DOCK4: variants seen among roughly 807,000 people sequenced by gnomAD.
The protein encoded by DOCK4 is dedicator of cytokinesis protein 4.
In DOCK4, 97 loss-of-function variants were observed where a neutral mutation model predicts 268.1. The ratio of observed to expected loss-of-function variants is 0.36; its 90% CI spans 0.31 to 0.43. The LOEUF (loss-of-function observed/expected upper bound fraction) is 0.43, where lower values mean the gene tolerates loss of function less well. Among genes scored for constraint, DOCK4 ranks in the 20% least tolerant of loss-of-function variants. The probability of loss-of-function intolerance (pLI) is 1.00; values close to 1 mark genes in which losing one functional copy is unlikely to be tolerated. For synonymous variants in DOCK4, 954 were observed against 887.2 expected (o/e 1.08, Z -1.34); for missense variants, 2,145 against 2,455.7 (o/e 0.87, Z 2.67).
At chr7:111,828,098 T>G (rs1802539852) in intron 26 of DOCK4, among the ~76,000 whole-genome samples, 1 of 152,064 alleles carries the variant, frequency 6.6e-6, no homozygotes, top group Non-Finnish European at 1.5e-5. Context: ...CAGTATGAGG[T>G]GGGTGTATAA....
At chr7:111,936,453 G>A (rs927582820) in intron 11 of DOCK4, among the ~76,000 whole-genome samples, 1 of 152,166 alleles carries the variant, frequency 6.6e-6, no homozygotes, top group African/African-American at 2.4e-5. Flanking sequence ...TACTTTGAAT[G>A]CTGTGGATGC....
chr7:111,919,030 T>C (rs1275554576), intron 12 of DOCK4, among the ~76,000 whole-genome samples: 7 of 151,108 alleles, frequency 4.6e-5, no homozygotes, highest in African/African-American at 1.7e-4. Flanking sequence ...ACAATAGAAG[T>C]TGGAGAGAGA....
chr7:111,903,432 T>G (rs913365487), intron 13 of DOCK4, among the ~76,000 whole-genome samples: 4 of 152,212 alleles, frequency 2.6e-5, no homozygotes, highest in Admixed American at 6.5e-5. Flanking sequence ...GCAATGAACT[T>G]AAAGTCCAGG....
chr7:111,972,084 A>G (rs1797757647), intron 8 of DOCK4: 1 of 153,114 alleles, frequency 6.5e-6, no homozygotes, highest in Non-Finnish European at 1.5e-5. Flanking sequence ...CAACTTCTAT[A>G]GCATAGACAA....
intron 1 of DOCK4, among the ~76,000 whole-genome samples, chr7:112,112,226 A>ATGAGAACTGT (rs1304748933): frequency 6.6e-6 from 1 of 152,128 alleles, no homozygotes; most frequent in Non-Finnish European, 1.5e-5. Flanking sequence ...ATGAGTTCAT[A>ATGAGAACTGT]TGAGAACTGG....
chr7:111,934,523 G>GTTTTTGTTT (rs1562907282), intron 12 of DOCK4, among the ~76,000 whole-genome samples: 1 of 83,872 alleles, frequency 1.2e-5, no homozygotes, highest in African/African-American at 4.0e-5. Flanking sequence ...TTTTGTTTTT[G>GTTTTTGTTT]TTTTTTTTTT....
chr7:112,076,878 A>G (rs763653488), intron 1 of DOCK4, among the ~76,000 whole-genome samples: 1 of 152,184 alleles, frequency 6.6e-6, no homozygotes, highest in Non-Finnish European at 1.5e-5. Context: ...TTGACTGAAT[A>G]TACTATTTCT....
At chr7:112,038,512 G>T (rs1028096625) in intron 1 of DOCK4, among the ~76,000 whole-genome samples, 1 of 152,102 alleles carries the variant, frequency 6.6e-6, no homozygotes, top group African/African-American at 2.4e-5. Context: ...ATTGGATCAG[G>T]GCTGAAGATC....
chr7:111,841,253 C>T lies in DOCK4; in HGVS notation c.2736+3510G>A, dbSNP rs185907220. The stretch of plus-strand genomic sequence containing the variant: ...GATCTCGGCTCACTGCAACCTCCAT[C>T]TCCTGGGTTCAAGCCATTTTTGGGC... On this transcript the variant is annotated intron_variant, in intron 25 of 52. Coordinates refer to ENST00000428084, the MANE Select transcript of DOCK4 (RefSeq NM_001363540.2). 1.6e-4 allele frequency among the ~76,000 whole-genome samples: 25 copies of T among 151,974 alleles called. No individual in the cohort carries two copies. The East Asian group carries it at 4.7e-3, about 28-fold the overall frequency.
chr7:112,188,448 C>T (rs78064599), intron 1 of DOCK4, among the ~76,000 whole-genome samples: 4,087 of 152,294 alleles, frequency 0.027, 178 homozygotes, highest in African/African-American at 0.093. Context: ...AAATTAGAAT[C>T]CTGGCCTCTT....
chr7:111,917,736 T>C (rs1195191529), intron 12 of DOCK4, among the ~76,000 whole-genome samples: 1 of 151,858 alleles, frequency 6.6e-6, no homozygotes, highest in African/African-American at 2.4e-5. Flanking sequence ...ATTTGCTTAG[T>C]ACAGTCAAGA....
chr7:111,952,913 G>A (rs1416648859), intron 8 of DOCK4, among the ~76,000 whole-genome samples: 3 of 152,018 alleles, frequency 2.0e-5, no homozygotes, highest in Non-Finnish European at 4.4e-5. Flanking sequence ...ATCTGAAAAA[G>A]CAGTCATTTG....
At chr7:112,146,699 C>A (rs1815536009) in intron 1 of DOCK4, among the ~76,000 whole-genome samples, 1 of 152,164 alleles carries the variant, frequency 6.6e-6, no homozygotes, top group Non-Finnish European at 1.5e-5. Flanking sequence ...CACCACTGCA[C>A]TTTTGCCTGG....
At chr7:112,185,122 T>A (rs1587000125) in intron 1 of DOCK4, among the ~76,000 whole-genome samples, 1 of 152,144 alleles carries the variant, frequency 6.6e-6, no homozygotes, top group South Asian at 2.1e-4. Context: ...AATACTGAAC[T>A]ACAGAGCACC....
chr7:112,043,247 AAACTT>A (rs1426394295), intron 1 of DOCK4, among the ~76,000 whole-genome samples: 1 of 152,190 alleles, frequency 6.6e-6, no homozygotes, highest in African/African-American at 2.4e-5. Flanking sequence ...TAAAAAAAAA[AAACTT>A]AATCAATAAT....
At chr7:112,201,696 C>T (rs1009008001) in intron 1 of DOCK4, among the ~76,000 whole-genome samples, 11 of 152,064 alleles carry the variant, frequency 7.2e-5, no homozygotes, top group African/African-American at 2.7e-4. Context: ...CAGATGAGGA[C>T]ATGCAGGAGG....
At chr7:112,048,797 C>G (rs935929391) in intron 1 of DOCK4, among the ~76,000 whole-genome samples, 1 of 150,722 alleles carries the variant, frequency 6.6e-6, no homozygotes, top group Non-Finnish European at 1.5e-5. Flanking sequence ...TTTTAAGTTC[C>G]AGGATACACG....
intron 1 of DOCK4, among the ~76,000 whole-genome samples, chr7:112,047,092 C>G (rs1478185826): frequency 6.6e-6 from 1 of 152,144 alleles, no homozygotes; most frequent in African/African-American, 2.4e-5. Context: ...GGGGCCTGTT[C>G]CCATTAGTCA....
chr7:112,099,751 C>T (rs940505357), intron 1 of DOCK4, among the ~76,000 whole-genome samples: 10 of 152,156 alleles, frequency 6.6e-5, no homozygotes, highest in Non-Finnish European at 1.3e-4. Context: ...AATTAGATAG[C>T]TAGCTAAACA....
Sources: gnomAD v4.1 joint callset for allele counts (sites outside exome capture counted in the v4.1 genomes callset) on GRCh38, gnomAD v4.1.1 for gene constraint, MANE v1.5 for transcripts, NCBI Gene and HGNC (gene_info 2026-07-23, HGNC 2026-07-21) for gene names.